Variants in CFAP100 observed in about 807,000 individuals in gnomAD.
CFAP100 encodes cilia- and flagella-associated protein 100.
CFAP100 carries 70 observed loss-of-function variants against 81.5 expected under a neutral mutation model. The ratio of observed to expected loss-of-function variants is 0.86; its 90% CI spans 0.71 to 1.05. The LOEUF (loss-of-function observed/expected upper bound fraction) is 1.05. Ranked by LOEUF, CFAP100 falls within the 50% of genes least tolerant of loss-of-function variation. The pLI is 0.00. For missense variants in CFAP100, 811 were observed against 776.5 expected (o/e 1.04, Z -0.53); for synonymous variants, 341 against 314.8 (o/e 1.08, Z -0.88).
At chr3:126,413,186 A>G (rs1276249667) in intron 3 of CFAP100, among the ~76,000 whole-genome samples, 1 of 152,118 alleles carries the variant, frequency 6.6e-6, no homozygotes, top group East Asian at 1.9e-4. Context: ...CAGTTCCTCC[A>G]CTAGCTGCTT....
rs775723439 is a variant in CFAP100 at position 126,416,473 on chromosome 3, G to A, written c.383G>A (p.Arg128His). 6.2e-7 allele frequency: 1 copy of A among 1,605,422 alleles called. No homozygotes were observed. The highest frequency in any genetic ancestry group is 8.5e-7 in the Non-Finnish European group (1 of 1,176,106). Residue 128 changes from arginine to histidine, a missense_variant, in exon 5 of 17, where the codon CGC becomes CAC. By Grantham distance (29) the Arg-to-His change is conservative. Transcript: ENST00000352312. ...RAEAEHQRAF[R>H]DYTTWKLTLT... ...GAGGCCGAGCATCAGCGCGCCTTCC[G>A]CGACTACACGACCTGGAAGCTCACC...
intron 2 of CFAP100, among the ~76,000 whole-genome samples, chr3:126,402,521 C>T (rs1237204305): frequency 6.6e-6 from 1 of 152,148 alleles, no homozygotes; most frequent in African/African-American, 2.4e-5. Flanking sequence ...GGGCACAGGG[C>T]TGCCCCTGGT....
chr3:126,406,731 G>A (rs188204599), intron 2 of CFAP100, among the ~76,000 whole-genome samples: 3 of 152,308 alleles, frequency 2.0e-5, no homozygotes, highest in East Asian at 1.9e-4. Flanking sequence ...TGGGATAGGG[G>A]TGGCAGCTCC....
rs763600103 is a variant in CFAP100, at chr3:126,435,563, C to T, written c.1633C>T (p.Arg545Ter). Residue 545 changes from arginine to a stop codon, truncating the protein, a stop_gained, in exon 16 of 17, where the codon CGA becomes TGA. Transcript: ENST00000352312. LOFTEE classifies it high-confidence loss of function. ...AKEKERRIRL[R>*]EEKLQMQKIL... ...ATGTCATTTCTTGCCACCCAGACTT[C>T]GAGAAGAGAAGCTCCAGATGCAAAA... The T allele has an allele frequency of 7.5e-6, 12 of 1,610,624 alleles. No homozygotes were observed. Among genetic ancestry groups the T allele is most frequent in the Admixed American group, 1.7e-5 (1 of 59,776 alleles).
chr3:126,419,522 A>G, intron 8 of CFAP100, 115 bp from the exon 9 acceptor site: 1 of 934,806 alleles, frequency 1.1e-6, no homozygotes, highest in Non-Finnish European at 1.6e-6. Flanking sequence ...TTCTCAAGGA[A>G]AACAAGGAGC....
At chr3:126,401,394 A>ATTT (rs1553787527) in intron 2 of CFAP100, among the ~76,000 whole-genome samples, 1 of 80,930 alleles carries the variant, frequency 1.2e-5, no homozygotes, top group Non-Finnish European at 2.4e-5. Context: ...GGCAAATCGT[A>ATTT]TTTTATATAT....
rs78360289 is a variant in CFAP100 at position 126,423,346 on chromosome 3, C to G, written c.1104C>G (p.Pro368=). ...DSRGSNSPIP[P]TQEDTDSDGE... The stretch of plus-strand genomic sequence containing the variant: ...GCAGGTCGAACTCTCCCATCCCCCC[C>G]ACGCAGGAGGACACCGACAGCGATG... The change falls in exon 12 of 17, where the codon CCC becomes CCG. Residue 368 remains proline (P), a synonymous_variant. Transcript: ENST00000352312. 1.2e-5 allele frequency: 19 copies of G among 1,613,520 alleles called. No individual in the cohort carries two copies. Among genetic ancestry groups the G allele is most frequent in the South Asian group, 4.4e-5 (4 of 90,988 alleles).
intron 13 of CFAP100, among the ~76,000 whole-genome samples, chr3:126,432,038 T>C (rs1182608195): frequency 6.6e-6 from 1 of 152,090 alleles, no homozygotes; most frequent in Admixed American, 6.5e-5. Flanking sequence ...CCCAGCATTT[T>C]GGGAGGCTGA....
chr3:126,422,412 CT>C (rs1359256226), intron 11 of CFAP100, among the ~76,000 whole-genome samples: 1 of 152,222 alleles, frequency 6.6e-6, no homozygotes, highest in African/African-American at 2.4e-5. Context: ...TGATGCCTCT[CT>C]GCTTCTGGGG....
chr3:126,397,185 AC>A (rs1172621032), intron 2 of CFAP100, among the ~76,000 whole-genome samples: 1 of 152,134 alleles, frequency 6.6e-6, no homozygotes, highest in Non-Finnish European at 1.5e-5. Context: ...ATTCCCTTAT[AC>A]TTTTTGTGCT....
chr3:126,435,363 G>A (rs991654178), intron 15 of CFAP100, among the ~76,000 whole-genome samples, 196 bp from the exon 16 acceptor site: 2 of 152,148 alleles, frequency 1.3e-5, no homozygotes, highest in African/African-American at 4.8e-5. Context: ...TCCTCCTCTG[G>A]GCCTAGGCCA....
At position 126,423,344 on chromosome 3, in the gene CFAP100, C is replaced by G. The variant is rs766257746; in HGVS notation, c.1102C>G (p.Pro368Ala). ...DSRGSNSPIP[P>A]TQEDTDSDGE... ...TCGCAGGTCGAACTCTCCCATCCCC[C>G]CCACGCAGGAGGACACCGACAGCGA... is the stretch of plus-strand genomic sequence containing the variant. The change falls in exon 12 of 17, where the codon CCC (proline) becomes GCC (alanine). Residue 368 changes from proline to alanine, a missense_variant. By Grantham distance (27) the Pro-to-Ala change is conservative. Transcript: ENST00000352312. 4.3e-6 allele frequency: 7 copies of G among 1,613,486 alleles called. No individual in the cohort carries two copies. The highest frequency in any genetic ancestry group is 1.3e-5 in the African/African-American group (1 of 74,906).
chr3:126,419,893 G>A (rs1297191965), intron 9 of CFAP100, 75 bp downstream of exon 9: 6 of 1,611,064 alleles, frequency 3.7e-6, no homozygotes, highest in African/African-American at 1.3e-5. Flanking sequence ...CCAGCTGGCA[G>A]GTTACCTGCA....
At chr3:126,395,805 G>A (rs904270446) in intron 1 of CFAP100, 137 bp from the exon 2 acceptor site, 7 of 595,622 alleles carry the variant, frequency 1.2e-5, no homozygotes, top group Middle Eastern at 4.4e-4. Context: ...GTGGACCCTC[G>A]GGTGGGAGAG....
chr3:126,414,457 G>A (rs2083203171), intron 4 of CFAP100: 5 of 615,452 alleles, frequency 8.1e-6, no homozygotes, highest in Admixed American at 2.7e-5. Context: ...CAGCCACCTC[G>A]CCGCCACTTC....
chr3:126,408,705 G>A (rs183537580), intron 3 of CFAP100, among the ~76,000 whole-genome samples: 3 of 152,280 alleles, frequency 2.0e-5, no homozygotes, highest in Admixed American at 6.5e-5. Flanking sequence ...GCAGAGGCAT[G>A]GGAGGGAGAA....
At chr3:126,395,796 T>G in intron 1 of CFAP100, 146 bp from the exon 2 acceptor site, 1 of 588,152 alleles carries the variant, frequency 1.7e-6, no homozygotes, top group Non-Finnish European at 3.0e-6. Flanking sequence ...GAGGTGAGAG[T>G]GGACCCTCGG....
intron 3 of CFAP100, among the ~76,000 whole-genome samples, chr3:126,410,852 A>T (rs537286030): frequency 5.3e-5 from 8 of 152,350 alleles, no homozygotes; most frequent in Admixed American, 4.6e-4. Flanking sequence ...CTGCTGTGAC[A>T]AATCACCACA....
intron 13 of CFAP100, among the ~76,000 whole-genome samples, chr3:126,431,816 T>C (rs1933241697): frequency 6.6e-6 from 1 of 152,198 alleles, no homozygotes; most frequent in Non-Finnish European, 1.5e-5. Flanking sequence ...TCAGACTTTA[T>C]GTGCACTTGA....
Sources: allele counts gnomAD v4.1 joint callset (sites outside exome capture counted in the v4.1 genomes callset), GRCh38; gene constraint gnomAD v4.1.1; transcripts MANE v1.5; gene names NCBI Gene and HGNC (gene_info 2026-07-23, HGNC 2026-07-21).